Variants in SORBS2 observed in about 807,000 individuals in gnomAD.
The protein encoded by SORBS2 is sorbin and SH3 domain-containing protein 2.
Under a neutral mutation model 97.7 loss-of-function variants are expected in SORBS2, and 46 were observed. The observed-to-expected ratio is 0.47, with a 90% CI of 0.37 to 0.60. The LOEUF is 0.60. Among genes scored for constraint, SORBS2 ranks in the 20% least tolerant of loss-of-function variants. SORBS2 has a pLI of 0.00. For missense variants in SORBS2, 1,316 were observed against 1,282.3 expected (o/e 1.03, Z -0.40); for synonymous variants, 476 against 473.4 (o/e 1.01, Z -0.07).
chr4:185,649,507 C>T, exon 3 of SORBS2: 1 of 1,599,992 alleles, frequency 6.3e-7, no homozygotes, highest in Non-Finnish European at 8.5e-7. Context: ...AGCGGCGGGA[C>T]TGGAGGTGGA....
chr4:185,909,293 G>A (rs908618695), intron 1 of SORBS2, among the ~76,000 whole-genome samples: 3 of 152,292 alleles, frequency 2.0e-5, no homozygotes, highest in African/African-American at 7.2e-5. Flanking sequence ...AACTCAAAAC[G>A]TCAAATACTT....
At chr4:185,851,029 C>G (rs1561234083) in intron 1 of SORBS2, among the ~76,000 whole-genome samples, 1 of 152,176 alleles carries the variant, frequency 6.6e-6, no homozygotes, top group African/African-American at 2.4e-5. Context: ...AACGGCTTTC[C>G]TGGTTCTCCA....
intron 8 of SORBS2, among the ~76,000 whole-genome samples, chr4:185,619,392 A>G (rs751229830): frequency 6.6e-6 from 1 of 152,058 alleles, no homozygotes; most frequent in Non-Finnish European, 1.5e-5. Context: ...GACCATTTCT[A>G]ACTTCTTTGG....
At position 185,835,576 on chromosome 4, in the gene SORBS2, C is replaced by T. The variant is rs115274725; in HGVS notation, c.-337-60210G>A. The stretch of plus-strand genomic sequence containing the variant: ...AAAAATTCCAGTGACAATTCATTTG[C>T]GCACTGTTCAAAAAAGGTGATCACG... On this transcript the variant is annotated intron_variant, in intron 1 of 20. Coordinates refer to the SORBS2 transcript ENST00000284776. Among the ~76,000 whole-genome samples, 939 of 151,252 alleles carry T rather than the reference C, an allele frequency of 6.2e-3. 16 individuals are homozygous for T. Among genetic ancestry groups the T allele is most frequent in the African/African-American group, 0.022 (895 of 41,166 alleles).
chr4:185,708,835 G>A (rs1025606674), intron 2 of SORBS2, among the ~76,000 whole-genome samples: 2 of 152,280 alleles, frequency 1.3e-5, no homozygotes, highest in African/African-American at 4.8e-5. Context: ...TCCAAATAAA[G>A]TGTTTTCTAG....
intron 1 of SORBS2, among the ~76,000 whole-genome samples, chr4:185,820,605 G>A (rs990822843): frequency 2.0e-5 from 3 of 152,182 alleles, no homozygotes; most frequent in African/African-American, 7.2e-5. Flanking sequence ...AGCAGCGTGC[G>A]CGGACACCTT....
intron 2 of SORBS2, among the ~76,000 whole-genome samples, chr4:185,738,401 C>T (rs771040940): frequency 2.3e-4 from 35 of 152,192 alleles, no homozygotes; most frequent in Non-Finnish European, 2.5e-4. Context: ...TAAAGCCGAT[C>T]CCAGCCCGGA....
chr4:185,670,062 T>A (rs1277349617), intron 4 of SORBS2, among the ~76,000 whole-genome samples: 1 of 151,842 alleles, frequency 6.6e-6, no homozygotes, highest in Non-Finnish European at 1.5e-5. Flanking sequence ...CTACTAAAAA[T>A]ACAAAAATTA....
At chr4:185,744,198 A>T (rs972669336) in intron 2 of SORBS2, among the ~76,000 whole-genome samples, 1 of 148,616 alleles carries the variant, frequency 6.7e-6, no homozygotes, top group African/African-American at 2.5e-5. Context: ...AAAATTTCAT[A>T]TGGTTGGATG....
intron 2 of SORBS2, among the ~76,000 whole-genome samples, chr4:185,698,939 T>A (rs2098218915): frequency 6.6e-6 from 1 of 152,208 alleles, no homozygotes; most frequent in South Asian, 2.1e-4. Context: ...CATGGTAATG[T>A]TACGTGGTGA....
chr4:185,689,026 G>C (rs56168348), intron 2 of SORBS2, among the ~76,000 whole-genome samples: 17,192 of 152,134 alleles, frequency 0.11, 1,132 homozygotes, highest in African/African-American at 0.18. Context: ...AGTAACTTGG[G>C]TCAAGTACCT....
intron 2 of SORBS2, chr4:185,709,881 AG>A (rs2098402845): frequency 6.7e-6 from 1 of 149,332 alleles, no homozygotes. Flanking sequence ...TTTTAAGACT[AG>A]TCAAGTGCAG....
chr4:185,701,790 A>G (rs1305124401), intron 2 of SORBS2, among the ~76,000 whole-genome samples: 2 of 93,800 alleles, frequency 2.1e-5, no homozygotes, highest in Non-Finnish European at 4.7e-5. Flanking sequence ...TTTTTTTTTT[A>G]GACGGAGTCT....
intron 4 of SORBS2, among the ~76,000 whole-genome samples, chr4:185,674,905 T>C (rs2097770318): frequency 6.6e-6 from 1 of 152,230 alleles, no homozygotes; most frequent in Non-Finnish European, 1.5e-5. Flanking sequence ...CATAACTCAA[T>C]TTCCATAATC....
At chr4:185,588,835 G>T (rs1394360552) in intron 14 of SORBS2, among the ~76,000 whole-genome samples, 2 of 152,010 alleles carry the variant, frequency 1.3e-5, no homozygotes, top group Non-Finnish European at 2.9e-5. Context: ...GGCTGGCCTC[G>T]AACTCCTGGC....
At chr4:185,818,733 G>C (rs1259034893) in intron 1 of SORBS2, among the ~76,000 whole-genome samples, 1 of 151,900 alleles carries the variant, frequency 6.6e-6, no homozygotes, top group Non-Finnish European at 1.5e-5. Flanking sequence ...GGCTGAGGCA[G>C]GAGAATGGCA....
chr4:185,852,679 C>A (rs887605748), intron 1 of SORBS2, among the ~76,000 whole-genome samples: 3 of 152,128 alleles, frequency 2.0e-5, no homozygotes, highest in Admixed American at 6.5e-5. Context: ...CTAGCCTCTG[C>A]GGTAGGTTAT....
At chr4:185,627,406 C>T (rs1440873180) in intron 5 of SORBS2, among the ~76,000 whole-genome samples, 1 of 152,084 alleles carries the variant, frequency 6.6e-6, no homozygotes, top group African/African-American at 2.4e-5. Flanking sequence ...TATGTAGAGA[C>T]AGAGTCTCAC....
chr4:185,635,215 T>C (rs1366700319), intron 4 of SORBS2, 140 bp downstream of exon 16: 1 of 636,328 alleles, frequency 1.6e-6, no homozygotes, highest in Non-Finnish European at 2.7e-6. Context: ...TGATACTGGA[T>C]GCAACATAAT....
Sources: allele counts gnomAD v4.1 joint callset (sites outside exome capture counted in the v4.1 genomes callset), GRCh38; gene constraint gnomAD v4.1.1; transcripts MANE v1.5; gene names NCBI Gene and HGNC (gene_info 2026-07-23, HGNC 2026-07-21).